The following OPCML variants were observed in gnomAD, a reference collection of about 807,000 sequenced individuals.
OPCML encodes the protein opioid-binding protein/cell adhesion molecule.
A neutral mutation model predicts 37.8 loss-of-function variants in OPCML; 13 were observed. The ratio of observed to expected loss-of-function variants is 0.34; its 90% CI spans 0.22 to 0.55. The LOEUF (loss-of-function observed/expected upper bound fraction) is 0.55, where lower values mean the gene tolerates loss of function less well. Ranked by LOEUF, OPCML falls within the 20% of genes least tolerant of loss-of-function variation. The pLI is 0.91. For missense variants in OPCML, 341 were observed against 435.6 expected, an observed-to-expected ratio of 0.78 and a Z score of 1.93; for synonymous variants, 176 against 168.8, an observed-to-expected ratio of 1.04 and a Z score of -0.33.
At chr11:132,999,247 C>T (rs1050542854) in intron 1 of OPCML, among the ~76,000 whole-genome samples, 2 of 152,150 alleles carry the variant, frequency 1.3e-5, no homozygotes, top group Non-Finnish European at 2.9e-5. Flanking sequence ...TCTTTCAGAT[C>T]TCACCCTCCC....
chr11:132,423,160 A>G (rs1184841176), intron 7 of OPCML, among the ~76,000 whole-genome samples: 2 of 152,200 alleles, frequency 1.3e-5, no homozygotes, highest in East Asian at 3.8e-4. Flanking sequence ...CCCCTGAGAC[A>G]GCAAGAGGGC....
chr11:133,020,811 T>G (rs544106141), intron 1 of OPCML, among the ~76,000 whole-genome samples: 2 of 152,346 alleles, frequency 1.3e-5, no homozygotes, highest in Non-Finnish European at 2.9e-5. Flanking sequence ...TAATATTTAG[T>G]TTGGTACACG....
intron 2 of OPCML, among the ~76,000 whole-genome samples, chr11:132,721,044 C>G (rs1471912170): frequency 6.6e-6 from 1 of 152,148 alleles, no homozygotes; most frequent in Admixed American, 6.5e-5. Flanking sequence ...CCCATTTCTT[C>G]TCTTGACATT....
At chr11:132,890,185 G>A (rs980532492) in intron 2 of OPCML, among the ~76,000 whole-genome samples, 2 of 152,116 alleles carry the variant, frequency 1.3e-5, no homozygotes, top group African/African-American at 4.8e-5. Flanking sequence ...TGTCAAGGGT[G>A]TTCTTGGAAG....
intron 1 of OPCML, among the ~76,000 whole-genome samples, chr11:133,289,090 C>A (rs1942386046): frequency 6.6e-6 from 1 of 152,038 alleles, no homozygotes; most frequent in Non-Finnish European, 1.5e-5. Flanking sequence ...TAATGCAGAC[C>A]AGAATTATCC....
intron 3 of OPCML, among the ~76,000 whole-genome samples, chr11:132,626,476 T>C (rs1939745495): frequency 6.6e-6 from 1 of 152,120 alleles, no homozygotes; most frequent in Non-Finnish European, 1.5e-5. Flanking sequence ...GAAATAAGAT[T>C]AATATGACTA....
In OPCML at chr11:133,174,178, A is replaced by G. The variant is rs1415437951; in HGVS notation, c.62-231168T>C. Among the ~76,000 whole-genome samples the G allele has an allele frequency of 3.3e-5, 5 of 152,128 alleles. No individual in the cohort carries two copies. The highest frequency in any genetic ancestry group is 5.9e-5 in the Non-Finnish European group (4 of 68,030). ...TCTCATTCTCCACCTTCTTTGGCACAAAGAAATGCTTCCCTCCCCTACCAC... is the reference window on the plus strand; with the variant it reads ...TCTCATTCTCCACCTTCTTTGGCACGAAGAAATGCTTCCCTCCCCTACCAC... On this transcript the variant is annotated intron_variant, in intron 1 of 7. Coordinates refer to ENST00000524381, the MANE Select transcript of OPCML (RefSeq NM_001012393.5). The surrounding 1 kb of genome is among the most constrained non-coding windows in gnomAD (Gnocchi z 4.6).
intron 1 of OPCML, among the ~76,000 whole-genome samples, chr11:133,451,342 T>A (rs1946576643): frequency 6.6e-6 from 1 of 151,710 alleles, no homozygotes; most frequent in South Asian, 2.1e-4. Flanking sequence ...TGATGCTGGG[T>A]AAGTTTTCAA....
intron 1 of OPCML, chr11:133,421,566 A>T: frequency 3.0e-6 from 3 of 985,472 alleles, no homozygotes; most frequent in Non-Finnish European, 3.6e-6. Flanking sequence ...TGATTCAGCA[A>T]CAGAGATAAA....
chr11:132,985,533 C>T (rs1172377332), intron 1 of OPCML, among the ~76,000 whole-genome samples: 1 of 152,218 alleles, frequency 6.6e-6, no homozygotes, highest in Non-Finnish European at 1.5e-5. Context: ...ACACCTCTCT[C>T]TTTCAAAGGG....
At chr11:133,298,058 T>C (rs73600453) in intron 1 of OPCML, 10,032 of 152,302 alleles carry the variant, frequency 0.066, 373 homozygotes, top group African/African-American at 0.098. Flanking sequence ...CCTGCTTCTC[T>C]TCTTACTCCT....
At chr11:132,542,687 G>A (rs866846181) in intron 3 of OPCML, among the ~76,000 whole-genome samples, 1 of 152,192 alleles carries the variant, frequency 6.6e-6, no homozygotes, top group Non-Finnish European at 1.5e-5. Context: ...GGTCTCTGTT[G>A]TGTTTTGCTC....
intron 1 of OPCML, among the ~76,000 whole-genome samples, chr11:133,388,557 T>C (rs1194712737): frequency 6.6e-6 from 1 of 152,210 alleles, no homozygotes; most frequent in Non-Finnish European, 1.5e-5. Flanking sequence ...ACACTTCAGC[T>C]TAATCTCAAC....
rs547026337 is a variant in OPCML at position 132,709,488 on chromosome 11, C to G, written c.147-52169G>C. ...ATTTCCAGGACTCCATCCACCATCTCACAGTGCATTTAGTTGTCCTTTTTC... is the reference window on the plus strand; with the variant it reads ...ATTTCCAGGACTCCATCCACCATCTGACAGTGCATTTAGTTGTCCTTTTTC... On this transcript the variant is annotated intron_variant, in intron 2 of 7. Transcript: ENST00000524381. Among the ~76,000 whole-genome samples the G allele has an allele frequency of 4.7e-4, 72 of 152,312 alleles. 1 individual carries two copies. The highest frequency in any genetic ancestry group is 8.5e-4 in the Non-Finnish European group (58 of 68,034).
At chr11:133,306,544 T>C (rs1249063446) in intron 1 of OPCML, among the ~76,000 whole-genome samples, 2 of 152,090 alleles carry the variant, frequency 1.3e-5, no homozygotes, top group Non-Finnish European at 2.9e-5. Context: ...GAGGCAGCAG[T>C]ATATATGTGT....
intron 4 of OPCML, among the ~76,000 whole-genome samples, chr11:132,463,509 C>T (rs2096109738): frequency 6.6e-6 from 1 of 152,202 alleles, no homozygotes; most frequent in Non-Finnish European, 1.5e-5. Context: ...CTGTAGTTTA[C>T]CAAGATTCCA....
At chr11:133,060,968 G>A (rs749726356) in intron 1 of OPCML, among the ~76,000 whole-genome samples, 29 of 152,234 alleles carry the variant, frequency 1.9e-4, no homozygotes, top group Non-Finnish European at 2.8e-4. Context: ...TTTCCTTAAA[G>A]TGTGTCTAAG....
chr11:132,694,177 G>GTTTTTTTTTTTTTTT (rs1565781232), intron 2 of OPCML, among the ~76,000 whole-genome samples: 1 of 63,922 alleles, frequency 1.6e-5, no homozygotes, highest in Admixed American at 2.0e-4. Flanking sequence ...TGAAATCAAT[G>GTTTTTTTTTTTTTTT]TCTTTTTTTT....
At chr11:133,180,717 C>T (rs1425021438) in intron 1 of OPCML, among the ~76,000 whole-genome samples, 1 of 151,908 alleles carries the variant, frequency 6.6e-6, no homozygotes, top group Non-Finnish European at 1.5e-5. Flanking sequence ...GGTATGACAT[C>T]GCTCGCCCTC....
Sources: gnomAD v4.1 joint callset for allele counts (sites outside exome capture counted in the v4.1 genomes callset) on GRCh38, gnomAD v4.1.1 for gene constraint, Gnocchi (gnomAD v3.1) non-coding constraint, MANE v1.5 for transcripts, NCBI Gene and HGNC (gene_info 2026-07-23, HGNC 2026-07-21) for gene names.